RPAP1: variants seen among roughly 807,000 people sequenced by gnomAD.
RPAP1 encodes RNA polymerase II associated protein 1, also known as RNA polymerase II-associated protein 1.
RPAP1 carries 109 observed loss-of-function variants against 142.4 expected under a neutral mutation model. The observed-to-expected ratio is 0.77, with a 90% CI of 0.66 to 0.90. RPAP1 has a LOEUF of 0.90. RPAP1 is among the 40% of genes least tolerant of loss of function. The pLI is 0.00. For synonymous variants in RPAP1, 704 were observed against 738.9 expected (o/e 0.95, Z 0.77); for missense variants, 1,546 against 1,751.7 (o/e 0.88, Z 2.10).
At position 41,536,174 on chromosome 15, in the gene RPAP1, AC is replaced by A; in HGVS notation, c.374del (p.Ser125MetfsTer37). 6.2e-7 allele frequency: 1 copy of A among 1,614,064 alleles called. No individual in the cohort carries two copies. On this transcript the variant is annotated frameshift_variant, in exon 4 of 25. Coordinates refer to ENST00000304330, the MANE Select transcript of RPAP1 (RefSeq NM_015540.4). LOFTEE classifies it high-confidence loss of function. ...GGAACACAGCAGGGAAAGCAACACC[AC>A]TGGGCACAGGCAGATTCACGGCCAC... ...SSVAVNLPVP[S>X]GVAFPAVFLR...
intron 9 of RPAP1, among the ~76,000 whole-genome samples, chr15:41,528,826 G>A (rs1206131797): frequency 6.6e-6 from 1 of 152,176 alleles, no homozygotes; most frequent in Non-Finnish European, 1.5e-5. Context: ...TGAGCAGAGG[G>A]AAGCTGGGAA....
Position 41,527,167 on chromosome 15 carries a change from C to T in RPAP1, c.1746G>A (p.Arg582=). 1.2e-6 allele frequency: 2 copies of T among 1,614,058 alleles called. No homozygotes were observed. Among genetic ancestry groups the T allele is most frequent in the Non-Finnish European group, 1.7e-6 (2 of 1,179,986 alleles). Residue 582 remains arginine (R), a splice_region_variant and synonymous_variant, in exon 13 of 25, where the codon AGG becomes AGA. Transcript: ENST00000304330. ...LARHSLESAT[R]VLECPRLIET... ...CATTCCCTGCTCCCTTTTTTCTCAC[C>T]CTTGTGGCTGATTCCAGGGAATGCC...
In RPAP1 at chr15:41,520,766, C is replaced by G. The variant is rs752726413; in HGVS notation, c.3420G>C (p.Glu1140Asp). The G allele has an allele frequency of 6.2e-7, 1 of 1,613,654 alleles. No individual in the cohort carries two copies. Among genetic ancestry groups the G allele is most frequent in the Non-Finnish European group, 8.5e-7 (1 of 1,179,992 alleles). ...CCCAGAGAGCCTGGGGGCGCCAGCT[C>G]TCCAAAACTAGCACCCACTGCAGGA... The part of the protein sequence containing the change: ...MRVLQWVLVL[E>D]SWRPQALWAV... The change falls in exon 22 of 25, where the codon GAG becomes GAC. Residue 1140 changes from glutamate to aspartate, a missense_variant. This residue lies in a region of RPAP1 where 1,333 missense variants were observed against 1,486.6 expected (regional missense o/e 0.90). Transcript: ENST00000304330.
intron 22 of RPAP1, chr15:41,520,159 C>G (rs2051709028): frequency 1.8e-6 from 1 of 550,184 alleles, no homozygotes; most frequent in African/African-American, 1.9e-5. Context: ...GTCTCAAACT[C>G]CTGACCTTAA....
At chr15:41,529,372 G>T (rs2051825171) in intron 9 of RPAP1, 98 bp downstream of exon 9, 1 of 781,492 alleles carries the variant, frequency 1.3e-6, no homozygotes. Context: ...GCATGAACTA[G>T]AACAGGGCAC....
Position 41,527,841 on chromosome 15 carries a change from A to G in RPAP1, c.1428+19T>C, listed in dbSNP as rs1488508209. 1 of 1,613,874 alleles carries G rather than the reference A, an allele frequency of 6.2e-7. No individual in the cohort carries two copies. Among genetic ancestry groups the G allele is most frequent in the Non-Finnish European group, 8.5e-7 (1 of 1,179,906 alleles). ...CCTGGCACCTCCCAGCCCAAGCCCC[A>G]TTCCTATCCCTGTGGTACCTCATCT... is the stretch of plus-strand genomic sequence containing the variant. On this transcript the variant is annotated intron_variant, in intron 11 of 24. Transcript: ENST00000304330.
At chr15:41,544,116 G>A (rs978376598) in intron 1 of RPAP1, 103 bp downstream of exon 1, 1 of 152,322 alleles carries the variant, frequency 6.6e-6, no homozygotes, top group Admixed American at 6.5e-5. Context: ...CTCCCTTACA[G>A]ACCAAAGGCC....
intron 9 of RPAP1, among the ~76,000 whole-genome samples, chr15:41,528,795 T>C (rs2051820319): frequency 6.6e-6 from 1 of 152,100 alleles, no homozygotes; most frequent in South Asian, 2.1e-4. Context: ...CTTGCCCAGC[T>C]GAGACCAGAA....
At chr15:41,528,468 G>A (rs953624757) in intron 9 of RPAP1, 132 bp from the exon 10 acceptor site, 39 of 662,982 alleles carry the variant, frequency 5.9e-5, no homozygotes, top group African/African-American at 1.1e-4. Context: ...GCCTCAAGCC[G>A]GTAAAGATAA....
rs780417619 is a variant in RPAP1 at position 41,527,070 on chromosome 15, T to C, written c.1747-2A>G. On this transcript the variant is annotated splice_acceptor_variant, in intron 13 of 24. Transcript: ENST00000304330. LOFTEE classifies it high-confidence loss of function. ...TATCAGCCGAGGGCACTCCAGGACC[T>C]ATGGGAGACAGGAGGTAAAAGGGAG... The C allele has an allele frequency of 6.2e-7, 1 of 1,613,530 alleles. No homozygotes were observed. Among genetic ancestry groups the C allele is most frequent in the South Asian group, 1.1e-5 (1 of 91,052 alleles).
At position 41,518,149 on chromosome 15, in the gene RPAP1, G is replaced by T; in HGVS notation, c.3829C>A (p.Pro1277Thr). The T allele has an allele frequency of 6.3e-7, 1 of 1,591,770 alleles. No homozygotes were observed. The highest frequency in any genetic ancestry group is 1.7e-4 in the Middle Eastern group (1 of 5,940). Residue 1277 changes from proline (P) to threonine (T), a missense_variant, in exon 23 of 25, where the codon CCT (proline) becomes ACT (threonine). Physicochemically the swap from Pro to Thr is conservative, Grantham distance 38 (BLOSUM62 -1). This residue lies in a region of RPAP1 where 210 missense variants were observed against 248.0 expected (regional missense o/e 0.85). Transcript: ENST00000304330. The part of the protein sequence containing the change: ...PVSLECYTVP[P>T]EDNLALLQLY... The stretch of plus-strand genomic sequence containing the variant: ...TGAAGGAGGGCCAGGTTGTCTTCAG[G>T]AGGCACTGTGTAACACTCCAGGGAC...
chr15:41,526,793 A>C, intron 14 of RPAP1, 105 bp downstream of exon 14: 1 of 1,132,308 alleles, frequency 8.8e-7, no homozygotes, highest in Non-Finnish European at 1.3e-6. Flanking sequence ...TCAGAGAGGA[A>C]GAAGATGGCA....
chr15:41,520,120 AATGGGGTTTCACT>A lies in RPAP1; in HGVS notation c.3795+258_3795+270del, dbSNP rs1363675948. ...AGCTAAGTTTTGTATTTTTAGTAGA[AATGGGGTTTCACT>A]ATGTTGCCCAGGCTGGTCTCAAACT... On this transcript the variant is annotated intron_variant, in intron 22 of 24. Coordinates refer to ENST00000304330, the MANE Select transcript of RPAP1 (RefSeq NM_015540.4). 4 of 415,526 alleles carry A rather than the reference AATGGGGTTTCACT, an allele frequency of 9.6e-6. No individual in the cohort carries two copies. The East Asian group carries it at 1.9e-4, about 19-fold the overall frequency. 25.7% of individuals were successfully genotyped at this position (415,526 alleles called of 1,614,324 possible).
In RPAP1 at chr15:41,524,971, T is replaced by C. The variant is rs2051774587; in HGVS notation, c.2075+20A>G. On this transcript the variant is annotated intron_variant, in intron 15 of 24. Transcript: ENST00000304330. ...GAACTGAAGGTGTCTAGGGGGAGCC[T>C]ACCCCCTGCCTCTCCTCACCTGTAA... is the stretch of plus-strand genomic sequence containing the variant. 2 of 1,610,410 alleles carry C rather than the reference T, an allele frequency of 1.2e-6. No homozygotes were observed.
Position 41,517,841 on chromosome 15 carries a change from G to T in RPAP1, c.3989C>A (p.Ala1330Asp). 1 of 1,614,142 alleles carries T rather than the reference G, an allele frequency of 6.2e-7. No homozygotes were observed. Among genetic ancestry groups the T allele is most frequent in the Non-Finnish European group, 8.5e-7 (1 of 1,180,034 alleles). Residue 1330 changes from alanine to aspartate, a missense_variant, in exon 24 of 25, where the codon GCC (alanine) becomes GAC (aspartate). Around this residue, in one of 3 missense-constraint regions of RPAP1, gnomAD observed 210 missense variants for 248.0 expected, o/e 0.85. Coordinates refer to ENST00000304330, the MANE Select transcript of RPAP1 (RefSeq NM_015540.4). The part of the protein sequence containing the change: ...DPQSSDEVKA[A>D]RRSMLQKTWL... Reference sequence around the variant, plus strand: ...TGTTTTCTGCAGCATACTCCTGCGGGCAGCTTTGACCTCATCCTAGAAGCA... The same window carrying T: ...TGTTTTCTGCAGCATACTCCTGCGGTCAGCTTTGACCTCATCCTAGAAGCA...
At position 41,527,454 on chromosome 15, in the gene RPAP1, G is replaced by T. The variant is rs777666175; in HGVS notation, c.1580C>A (p.Pro527Gln). ...GACATCATGTCGGGCCAGGTCAGGT[G>T]GAGGCCGGCTTTCTTCTTCAGGGCT... ...RKSPEEESRPPPDLARHDVIK... is the reference protein window; with the variant it reads ...RKSPEEESRPQPDLARHDVIK... Residue 527 changes from proline to glutamine, a missense_variant, in exon 12 of 25, where the codon CCA (proline) becomes CAA (glutamine). Around this residue, in one of 3 missense-constraint regions of RPAP1, gnomAD observed 1,333 missense variants for 1,486.6 expected, o/e 0.90. Transcript: ENST00000304330. 6.2e-7 allele frequency: 1 copy of T among 1,614,240 alleles called. No individual in the cohort carries two copies. The highest frequency in any genetic ancestry group is 1.1e-5 in the South Asian group (1 of 91,086).
At chr15:41,521,176 A>G (rs1339725256) in intron 21 of RPAP1, 29 bp from the exon 22 acceptor site, 19 of 1,508,820 alleles carry the variant, frequency 1.3e-5, no homozygotes, top group Non-Finnish European at 1.6e-5. Context: ...GCCAAAAATG[A>G]GGGCTGGAAC....
chr15:41,522,534 G>A, intron 19 of RPAP1: 1 of 564,628 alleles, frequency 1.8e-6, no homozygotes, highest in East Asian at 3.1e-5. Context: ...GGGATTACAG[G>A]CATGTGCCAT....
intron 6 of RPAP1, among the ~76,000 whole-genome samples, chr15:41,532,810 C>G (rs79542751): frequency 6.6e-6 from 1 of 151,522 alleles, no homozygotes; most frequent in Non-Finnish European, 1.5e-5. Flanking sequence ...AAACCCATCT[C>G]TACTAAAAAT....
Sources: allele counts gnomAD v4.1 joint callset (sites outside exome capture counted in the v4.1 genomes callset), GRCh38; gene constraint gnomAD v4.1.1; regional missense constraint gnomAD v4.1.1; transcripts MANE v1.5; gene names NCBI Gene and HGNC (gene_info 2026-07-23, HGNC 2026-07-21).